Variants in LRMDA observed in about 807,000 individuals in gnomAD.
LRMDA encodes the protein leucine rich melanocyte differentiation associated.
A neutral mutation model predicts 29.8 loss-of-function variants in LRMDA; 18 were observed. The ratio of observed to expected loss-of-function variants is 0.60; its 90% CI spans 0.42 to 0.90. The LOEUF (loss-of-function observed/expected upper bound fraction) is 0.90. Among genes scored for constraint, LRMDA ranks in the 40% least tolerant of loss-of-function variants. The pLI is 0.00. For missense variants in LRMDA, 273 were observed against 273.9 expected (o/e 1.00, Z 0.02); for synonymous variants, 125 against 109.4 (o/e 1.14, Z -0.89).
rs58265820 is a variant in LRMDA, at chr10:75,616,249, T to TAGCAGCAGCAGCAGC, written c.131+177776_131+177790dup. On this transcript the variant is annotated intron_variant, in intron 2 of 6. Transcript: ENST00000611255. ...ACAGTAATAGTAGCAGTAGCAGCAG[T>TAGCAGCAGCAGCAGC]AGCAGCAGCAGCAGCAGCAGCAGCA... Among the ~76,000 whole-genome samples, 1,124 of 150,396 alleles carry TAGCAGCAGCAGCAGC rather than the reference T, an allele frequency of 7.5e-3. 13 individuals are homozygous for TAGCAGCAGCAGCAGC. Among genetic ancestry groups the TAGCAGCAGCAGCAGC allele is most frequent in the African/African-American group, 0.027 (1,072 of 40,440 alleles).
chr10:76,224,241 C>T (rs949823008), intron 5 of LRMDA, among the ~76,000 whole-genome samples: 16 of 150,770 alleles, frequency 1.1e-4, no homozygotes, highest in African/African-American at 3.4e-4. Flanking sequence ...GTTCTAAGAG[C>T]ACTTGAGGAA....
intron 2 of LRMDA, among the ~76,000 whole-genome samples, chr10:75,873,025 A>G (rs1356157137): frequency 6.6e-6 from 1 of 152,140 alleles, no homozygotes; most frequent in Non-Finnish European, 1.5e-5. Context: ...TAATATAATC[A>G]TGCTTTTGCA....
chr10:75,543,365 A>G (rs1840043064), intron 2 of LRMDA, among the ~76,000 whole-genome samples: 1 of 152,232 alleles, frequency 6.6e-6, no homozygotes, highest in African/African-American at 2.4e-5. Context: ...GTTATAAACA[A>G]GAGATATTAC....
At chr10:75,504,642 C>T (rs1266720599) in intron 2 of LRMDA, among the ~76,000 whole-genome samples, 2 of 152,010 alleles carry the variant, frequency 1.3e-5, no homozygotes, top group African/African-American at 4.8e-5. Flanking sequence ...TAGGACTTAT[C>T]TCAACAAGGA....
intron 2 of LRMDA, among the ~76,000 whole-genome samples, chr10:75,983,513 T>C (rs1847210529): frequency 6.6e-6 from 1 of 152,204 alleles, no homozygotes; most frequent in Admixed American, 6.5e-5. Context: ...CATGCATACG[T>C]AATATCCCCA....
At chr10:75,610,016 G>A (rs967143865) in intron 2 of LRMDA, among the ~76,000 whole-genome samples, 1 of 152,134 alleles carries the variant, frequency 6.6e-6, no homozygotes, top group Non-Finnish European at 1.5e-5. Flanking sequence ...GCAAAATCCT[G>A]CTAACTTGGA....
chr10:75,997,907 A>G (rs1025908078), intron 2 of LRMDA, among the ~76,000 whole-genome samples: 3 of 151,834 alleles, frequency 2.0e-5, no homozygotes, highest in African/African-American at 7.3e-5. Flanking sequence ...TCTCTCCCCA[A>G]CTCAGTGCTC....
chr10:76,154,874 G>C (rs1850510132), intron 5 of LRMDA, among the ~76,000 whole-genome samples: 1 of 152,164 alleles, frequency 6.6e-6, no homozygotes, highest in South Asian at 2.1e-4. Context: ...CTGTGGCAAA[G>C]AAGACTCATC....
intron 5 of LRMDA, among the ~76,000 whole-genome samples, chr10:76,079,923 C>T (rs917521286): frequency 6.6e-6 from 1 of 152,146 alleles, no homozygotes; most frequent in African/African-American, 2.4e-5. Flanking sequence ...AGCATAGAGC[C>T]TTCTGTCTGG....
intron 2 of LRMDA, among the ~76,000 whole-genome samples, chr10:75,818,278 C>T (rs992312953): frequency 2.0e-5 from 3 of 152,104 alleles, no homozygotes; most frequent in Admixed American, 6.5e-5. Flanking sequence ...TGGTATTGCT[C>T]CCAGCCAGCT....
Position 75,635,627 on chromosome 10 carries a change from G to A in LRMDA, c.131+197133G>A, listed in dbSNP as rs558810819. 2.1e-4 allele frequency among the ~76,000 whole-genome samples: 32 copies of A among 152,218 alleles called. 1 individual carries two copies. In the South Asian group the frequency reaches 6.2e-3, roughly 30 times the overall value. On this transcript the variant is annotated intron_variant, in intron 2 of 6. Transcript: ENST00000611255. ...AAAGTGGAATGTTTCTGGTTCTACAGTTACAGGGATTGATGAAAAAAGATG... is the reference window on the plus strand; with the variant it reads ...AAAGTGGAATGTTTCTGGTTCTACAATTACAGGGATTGATGAAAAAAGATG...
intron 2 of LRMDA, among the ~76,000 whole-genome samples, chr10:75,615,698 A>G (rs1841089933): frequency 6.6e-6 from 1 of 152,192 alleles, no homozygotes. Context: ...GGTATTGGAA[A>G]AAACATTAAT....
At chr10:75,718,737 A>T (rs1218169712) in intron 2 of LRMDA, among the ~76,000 whole-genome samples, 2 of 152,248 alleles carry the variant, frequency 1.3e-5, no homozygotes, top group Admixed American at 1.3e-4. Context: ...CAGAGTAGGT[A>T]TTTAGTAAAG....
chr10:76,102,941 GC>G (rs1849418934), intron 5 of LRMDA, among the ~76,000 whole-genome samples: 1 of 152,164 alleles, frequency 6.6e-6, no homozygotes, highest in African/African-American at 2.4e-5. Context: ...TGAGCCACTG[GC>G]CTGAACATGT....
intron 2 of LRMDA, among the ~76,000 whole-genome samples, chr10:75,909,423 T>TG (rs1276396201): frequency 1.3e-5 from 2 of 152,224 alleles, no homozygotes; most frequent in Non-Finnish European, 2.9e-5. Flanking sequence ...CCTGCTCTGA[T>TG]GTCCCTGCAG....
chr10:76,141,879 TTTAA>T (rs1850208239), intron 5 of LRMDA, among the ~76,000 whole-genome samples: 2 of 152,124 alleles, frequency 1.3e-5, no homozygotes, highest in Non-Finnish European at 2.9e-5. Flanking sequence ...TCTGTCTCGT[TTTAA>T]TTGTTTTGTG....
chr10:76,028,311 T>A (rs1335442341), intron 2 of LRMDA, among the ~76,000 whole-genome samples: 1 of 152,196 alleles, frequency 6.6e-6, no homozygotes, highest in Non-Finnish European at 1.5e-5. Context: ...TGTTAGGGCT[T>A]CAGGTTTTCC....
At chr10:75,548,316 A>G (rs1840102798) in intron 2 of LRMDA, among the ~76,000 whole-genome samples, 1 of 152,322 alleles carries the variant, frequency 6.6e-6, no homozygotes, top group African/African-American at 2.4e-5. Context: ...CCCTTGGAAG[A>G]AACAAGCAAG....
At chr10:76,465,835 T>G (rs1842559847) in intron 6 of LRMDA, among the ~76,000 whole-genome samples, 1 of 152,042 alleles carries the variant, frequency 6.6e-6, no homozygotes, top group African/African-American at 2.4e-5. Context: ...CCTCCCCTTG[T>G]AGGTGGCTGT....
Sources: allele counts gnomAD v4.1 joint callset (sites outside exome capture counted in the v4.1 genomes callset), GRCh38; gene constraint gnomAD v4.1.1; transcripts MANE v1.5; gene names NCBI Gene and HGNC (gene_info 2026-07-23, HGNC 2026-07-21).